The following SNTG2 variants were observed in gnomAD, a reference collection of about 807,000 sequenced individuals.
SNTG2 encodes syntrophin gamma 2.
Under a neutral mutation model 70.9 loss-of-function variants are expected in SNTG2, and 74 were observed. That is an observed-to-expected ratio of 1.04 (90% CI 0.86 to 1.27). The LOEUF is 1.27. Among genes scored for constraint, SNTG2 ranks in the 50% most tolerant of loss-of-function variants. The pLI is 0.00. For synonymous variants in SNTG2, 278 were observed against 273.8 expected, an observed-to-expected ratio of 1.02 and a Z score of -0.15; for missense variants, 717 against 690.7, an observed-to-expected ratio of 1.04 and a Z score of -0.43.
intron 16 of SNTG2, among the ~76,000 whole-genome samples, chr2:1,355,275 C>T (rs903171075): frequency 6.6e-6 from 1 of 152,198 alleles, no homozygotes; most frequent in Non-Finnish European, 1.5e-5. Context: ...ACGACATCCA[C>T]GTTGCTGTGC....
chr2:1,347,822 C>T (rs1190702024), intron 16 of SNTG2, among the ~76,000 whole-genome samples: 1 of 152,246 alleles, frequency 6.6e-6, no homozygotes, highest in Non-Finnish European at 1.5e-5. Context: ...CCTGGGGCAG[C>T]TGTTTAAAGG....
chr2:993,085 T>A (rs372926769), intron 1 of SNTG2, among the ~76,000 whole-genome samples: 31,507 of 142,914 alleles, frequency 0.22, 3,692 homozygotes, highest in Middle Eastern at 0.32. Context: ...TTTTTTTTTT[T>A]TTATTATACT....
At chr2:1,070,008 C>T (rs1417326283) in intron 1 of SNTG2, among the ~76,000 whole-genome samples, 1 of 152,030 alleles carries the variant, frequency 6.6e-6, no homozygotes, top group Non-Finnish European at 1.5e-5. Flanking sequence ...GAACCCGCGG[C>T]CCCCCACGTG....
rs1213501337 is a variant in SNTG2 at position 1,222,067 on chromosome 2, C to CTG, written c.719+12838_719+12839insGT. Reference sequence around the variant, plus strand: ...TCTCTGTCTCTCTCTGTCTCTGTTTCTCTCTGTCTCTGTCTCTGTCTCTCT... The same window carrying CTG: ...TCTCTGTCTCTCTCTGTCTCTGTTTCTGTCTCTGTCTCTGTCTCTGTCTCTCT... On this transcript the variant is annotated intron_variant, in intron 9 of 16. Coordinates refer to ENST00000308624, the MANE Select transcript of SNTG2 (RefSeq NM_018968.4). Among the ~76,000 whole-genome samples the CTG allele has an allele frequency of 3.1e-4, 4 of 13,014 alleles. 1 individual carries two copies. The highest frequency in any genetic ancestry group is 5.9e-4 in the Non-Finnish European group (3 of 5,086). The allele number at this position is 13,014 out of a possible 152,430, so 8.5% of individuals were successfully genotyped here. A position where few individuals can be genotyped will look rare whatever the true frequency, so the allele number is the denominator to read the frequency against.
chr2:1,082,637 G>A (rs546283406), intron 1 of SNTG2, among the ~76,000 whole-genome samples: 2 of 152,322 alleles, frequency 1.3e-5, no homozygotes, highest in South Asian at 2.1e-4. Context: ...AGGACCAAGT[G>A]CCCTGGCTGC....
intron 1 of SNTG2, among the ~76,000 whole-genome samples, chr2:1,038,799 C>A (rs985800143): frequency 9.9e-5 from 15 of 152,254 alleles, no homozygotes; most frequent in Non-Finnish European, 7.4e-5. Context: ...AAGCTAGAAG[C>A]CTAGTCTTAA....
chr2:1,288,165 A>G (rs867168241), intron 14 of SNTG2, among the ~76,000 whole-genome samples: 2 of 152,202 alleles, frequency 1.3e-5, no homozygotes, highest in Non-Finnish European at 2.9e-5. Context: ...CAACTTGGCT[A>G]TTTTTACTCA....
chr2:1,112,830 A>C (rs1300242976), intron 4 of SNTG2, among the ~76,000 whole-genome samples: 1 of 135,402 alleles, frequency 7.4e-6, no homozygotes, highest in South Asian at 2.4e-4. Flanking sequence ...AAGGATAGTG[A>C]GTACTAAGTG....
intron 8 of SNTG2, among the ~76,000 whole-genome samples, chr2:1,189,343 C>T (rs151260363): frequency 6.4e-4 from 97 of 151,764 alleles, no homozygotes; most frequent in African/African-American, 1.5e-3. Flanking sequence ...CAATATATAT[C>T]GTATGAGGAT....
intron 1 of SNTG2, among the ~76,000 whole-genome samples, chr2:1,005,255 A>T (rs2147991493): frequency 6.6e-6 from 1 of 152,248 alleles, no homozygotes; most frequent in South Asian, 2.1e-4. Flanking sequence ...GACAGGTGTC[A>T]TTATCTGTCT....
intron 8 of SNTG2, among the ~76,000 whole-genome samples, chr2:1,206,179 G>A (rs1673622514): frequency 6.6e-6 from 1 of 152,238 alleles, no homozygotes; most frequent in Admixed American, 6.5e-5. Context: ...GGACCACGAT[G>A]AGAATCACGA....
intron 1 of SNTG2, among the ~76,000 whole-genome samples, chr2:994,861 GA>G: frequency 6.6e-6 from 1 of 150,406 alleles, no homozygotes; most frequent in South Asian, 2.1e-4. Flanking sequence ...TTAGTTTTTA[GA>G]ATGTTAATTG....
intron 1 of SNTG2, among the ~76,000 whole-genome samples, chr2:1,076,230 C>T (rs1459969882): frequency 6.6e-6 from 1 of 152,188 alleles, no homozygotes; most frequent in East Asian, 1.9e-4. Flanking sequence ...GATAACCAAG[C>T]ACTTCTTACA....
At chr2:1,169,083 G>T (rs549753611) in intron 7 of SNTG2, among the ~76,000 whole-genome samples, 1 of 152,156 alleles carries the variant, frequency 6.6e-6, no homozygotes, top group Non-Finnish European at 1.5e-5. Context: ...GAGCTCGGAT[G>T]GGGGAGGAGG....
At chr2:1,180,496 T>C (rs948284205) in intron 8 of SNTG2, among the ~76,000 whole-genome samples, 1 of 134,406 alleles carries the variant, frequency 7.4e-6, no homozygotes, top group African/African-American at 2.7e-5. Flanking sequence ...ATCAGAGAAA[T>C]GCAAATCAAA....
intron 16 of SNTG2, among the ~76,000 whole-genome samples, chr2:1,359,493 C>A (rs555888357): frequency 1.3e-5 from 2 of 152,148 alleles, no homozygotes; most frequent in East Asian, 3.9e-4. Context: ...AGTACAGCCA[C>A]CCTGCCCTTT....
At chr2:1,150,538 G>A (rs1669410010) in intron 6 of SNTG2, among the ~76,000 whole-genome samples, 1 of 152,100 alleles carries the variant, frequency 6.6e-6, no homozygotes, top group Admixed American at 6.5e-5. Context: ...ATGGCCAGGA[G>A]GACAGAGCAG....
chr2:1,076,358 C>G (rs1000858427), intron 1 of SNTG2, among the ~76,000 whole-genome samples: 1 of 152,196 alleles, frequency 6.6e-6, no homozygotes, highest in Non-Finnish European at 1.5e-5. Flanking sequence ...CTCTTCCTGG[C>G]TCTTTACGCT....
intron 2 of SNTG2, among the ~76,000 whole-genome samples, chr2:1,094,057 G>A (rs7557013): frequency 9.4e-4 from 71 of 75,370 alleles, no homozygotes; most frequent in African/African-American, 4.4e-3. Flanking sequence ...GCTTGCAGGC[G>A]AAGGCCTTAT....
Sources: gnomAD v4.1 joint callset for allele counts (sites outside exome capture counted in the v4.1 genomes callset) on GRCh38, gnomAD v4.1.1 for gene constraint, MANE v1.5 for transcripts, NCBI Gene and HGNC (gene_info 2026-07-23, HGNC 2026-07-21) for gene names.